The following CMIP variants were observed in gnomAD, a reference collection of about 807,000 sequenced individuals.
CMIP encodes C-Maf-inducing protein.
A neutral mutation model predicts 97.3 loss-of-function variants in CMIP; 13 were observed. The ratio of observed to expected loss-of-function variants is 0.13; its 90% CI spans 0.09 to 0.21. CMIP has a LOEUF of 0.21. Among genes scored for constraint, CMIP ranks in the 10% least tolerant of loss-of-function variants. The probability of loss-of-function intolerance (pLI) is 1.00; values close to 1 mark genes in which losing one functional copy is unlikely to be tolerated. For missense variants in CMIP, 847 were observed against 1,024.9 expected, an observed-to-expected ratio of 0.83 and a Z score of 2.37; for synonymous variants, 538 against 436.3, an observed-to-expected ratio of 1.23 and a Z score of -2.91.
intron 1 of CMIP, among the ~76,000 whole-genome samples, chr16:81,592,632 C>G (rs12447774): frequency 6.6e-6 from 1 of 151,782 alleles, no homozygotes; most frequent in Non-Finnish European, 1.5e-5. Flanking sequence ...AGAAGCAAGG[C>G]AGGACTCAAA....
At chr16:81,670,738 T>G (rs1475971597) in intron 8 of CMIP, among the ~76,000 whole-genome samples, 1 of 151,922 alleles carries the variant, frequency 6.6e-6, no homozygotes, top group African/African-American at 2.4e-5. Flanking sequence ...AGTGTGATGC[T>G]CCAGTGAGTA....
intron 1 of CMIP, among the ~76,000 whole-genome samples, chr16:81,535,241 C>T (rs1597520310): frequency 6.6e-6 from 1 of 152,146 alleles, no homozygotes; most frequent in South Asian, 2.1e-4. Context: ...TGAGCCACCA[C>T]GTGGCCCATA....
intron 1 of CMIP, among the ~76,000 whole-genome samples, chr16:81,523,836 A>G (rs1048728377): frequency 6.6e-6 from 1 of 152,238 alleles, no homozygotes; most frequent in Non-Finnish European, 1.5e-5. Flanking sequence ...TCCTTTAGCT[A>G]GGAGCCTGGA....
rs1467984540 is a variant in CMIP, at chr16:81,678,463, G to T, written c.1223G>T (p.Arg408Leu). Reference sequence around the variant, plus strand: ...AGTGAGATCCACGTGGAGGTGGAACGCACCAGCACTGCCAAGCCGGCGCTG... The same window carrying T: ...AGTGAGATCCACGTGGAGGTGGAACTCACCAGCACTGCCAAGCCGGCGCTG... ...ASSEIHVEVE[R>L]TSTAKPALTA... Residue 408 changes from arginine to leucine, a missense_variant, in exon 10 of 21, where the codon CGC (arginine) becomes CTC (leucine). Arg to Leu is a moderately radical substitution (Grantham distance 102). This residue lies in a region of CMIP where 202 missense variants were observed against 168.7 expected (regional missense o/e 1.20). Transcript: ENST00000537098. The T allele has an allele frequency of 6.3e-7, 1 of 1,591,408 alleles. No individual in the cohort carries two copies. The highest frequency in any genetic ancestry group is 1.1e-5 in the South Asian group (1 of 88,034).
In CMIP at chr16:81,615,000, C is replaced by T. The variant is rs994764051; in HGVS notation, c.427-5876C>T. On this transcript the variant is annotated intron_variant, in intron 2 of 20. Transcript: ENST00000537098. The surrounding 1 kb of genome is among the most constrained non-coding windows in gnomAD (Gnocchi z 5.3). ...TGACGTGTGTGTGTGGTGTATGTGT[C>T]TATATGTGATGTCTCTGTGTGTATA... is the stretch of plus-strand genomic sequence containing the variant. 2.4e-4 allele frequency among the ~76,000 whole-genome samples: 33 copies of T among 135,532 alleles called. No homozygotes were observed. Among genetic ancestry groups the T allele is most frequent in the Non-Finnish European group, 5.0e-4 (31 of 62,244 alleles). The allele number at this position is 135,532 out of a possible 152,430, so 88.9% of individuals were successfully genotyped here. A position where few individuals can be genotyped will look rare whatever the true frequency, so the allele number is the denominator to read the frequency against.
chr16:81,585,547 A>G (rs552081764), intron 1 of CMIP, among the ~76,000 whole-genome samples: 2 of 152,276 alleles, frequency 1.3e-5, no homozygotes, highest in South Asian at 4.1e-4. Context: ...TGGACATTTC[A>G]TATACGTGGA....
At position 81,561,756 on chromosome 16, in the gene CMIP, G is replaced by A. The variant is rs955129340; in HGVS notation, c.301-45811G>A. Among the ~76,000 whole-genome samples, 4 of 152,198 alleles carry A rather than the reference G, an allele frequency of 2.6e-5. No individual in the cohort carries two copies. The East Asian group carries it at 5.8e-4, about 22-fold the overall frequency. ...TAAACCTCCAGTCTAGTAGCCACTG[G>A]GCATGTGTAGCCATTGGAATTTAAA... On this transcript the variant is annotated intron_variant, in intron 1 of 20. Coordinates refer to ENST00000537098, the MANE Select transcript of CMIP (RefSeq NM_198390.3).
chr16:81,579,471 C>T (rs1417476780), intron 1 of CMIP, among the ~76,000 whole-genome samples: 1 of 152,214 alleles, frequency 6.6e-6, no homozygotes, highest in Non-Finnish European at 1.5e-5. Flanking sequence ...TCATGTTCAC[C>T]TTGAGCCTCC....
At chr16:81,651,023 G>C (rs930950372) in intron 3 of CMIP, among the ~76,000 whole-genome samples, 2 of 152,164 alleles carry the variant, frequency 1.3e-5, no homozygotes, top group African/African-American at 2.4e-5. Context: ...CGGTCAGGGA[G>C]GCTCTGGCAG....
chr16:81,635,747 G>T (rs140965723), intron 3 of CMIP, among the ~76,000 whole-genome samples: 2 of 152,234 alleles, frequency 1.3e-5, no homozygotes, highest in South Asian at 2.1e-4. Flanking sequence ...TATAAATAAG[G>T]AGTTTTCAGG....
chr16:81,540,881 C>T (rs886391324), intron 1 of CMIP, among the ~76,000 whole-genome samples: 33 of 151,688 alleles, frequency 2.2e-4, no homozygotes, highest in Middle Eastern at 3.4e-3. Flanking sequence ...AGGGTTTCAC[C>T]GTGTTAGCCA....
chr16:81,477,459 C>T (rs780666656), intron 1 of CMIP, among the ~76,000 whole-genome samples: 1 of 152,196 alleles, frequency 6.6e-6, no homozygotes, highest in East Asian at 1.9e-4. Context: ...CCGCACCTAG[C>T]CTGAATTCTT....
rs145308270 is a variant in CMIP, at chr16:81,524,988, G to T, written c.300+79447G>T. 2.7e-3 allele frequency among the ~76,000 whole-genome samples: 416 copies of T among 151,866 alleles called. 3 individuals are homozygous for T. Among genetic ancestry groups the T allele is most frequent in the African/African-American group, 9.5e-3 (395 of 41,418 alleles). ...TAATTGTATTTTTAGTAGAGATGGG[G>T]TTACACCATGTTGGACAGGCTGTTC... On this transcript the variant is annotated intron_variant, in intron 1 of 20. Transcript: ENST00000537098.
At chr16:81,478,074 G>A (rs1300737269) in intron 1 of CMIP, among the ~76,000 whole-genome samples, 3 of 152,206 alleles carry the variant, frequency 2.0e-5, no homozygotes. Flanking sequence ...AGAATAGGGT[G>A]TTGGCATGGG....
intron 1 of CMIP, among the ~76,000 whole-genome samples, chr16:81,497,377 TG>T (rs886133818): frequency 6.6e-6 from 1 of 152,182 alleles, no homozygotes; most frequent in Non-Finnish European, 1.5e-5. Context: ...TGGGGCTCAG[TG>T]AGGTTGAGCC....
At chr16:81,626,816 T>TGG (rs772134962) in intron 3 of CMIP, among the ~76,000 whole-genome samples, 136 of 118,652 alleles carry the variant, frequency 1.1e-3, no homozygotes, top group African/African-American at 2.5e-3. Context: ...TGTGTGTGTG[T>TGG]GGGGTGCATA....
intron 1 of CMIP, among the ~76,000 whole-genome samples, chr16:81,499,331 C>T (rs1302389031): frequency 6.6e-6 from 1 of 152,176 alleles, no homozygotes; most frequent in African/African-American, 2.4e-5. Context: ...CTTGTCTCTG[C>T]ACACACACAC....
chr16:81,691,960 C>T (rs1906129892), intron 11 of CMIP, 120 bp downstream of exon 11: 1 of 855,000 alleles, frequency 1.2e-6, no homozygotes, highest in East Asian at 2.6e-5. Flanking sequence ...CGGGAAGACC[C>T]TGGAGACGTC....
intron 9 of CMIP, 118 bp from the exon 10 acceptor site, chr16:81,678,157 A>T: frequency 1.4e-6 from 1 of 704,950 alleles, no homozygotes; most frequent in East Asian, 2.7e-5. Flanking sequence ...CACAGGAATG[A>T]TGATAGTATT....
Sources: gnomAD v4.1 joint callset for allele counts (sites outside exome capture counted in the v4.1 genomes callset) on GRCh38, gnomAD v4.1.1 for gene constraint, gnomAD v4.1.1 regional missense constraint, Gnocchi (gnomAD v3.1) non-coding constraint, MANE v1.5 for transcripts, NCBI Gene and HGNC (gene_info 2026-07-23, HGNC 2026-07-21) for gene names.